Variants in SPRING1 observed in about 807,000 individuals in gnomAD.
SPRING1 encodes the protein SREBP regulating gene protein.
SPRING1 carries 14 observed loss-of-function variants against 24.7 expected under a neutral mutation model. The ratio of observed to expected loss-of-function variants is 0.57; its 90% CI spans 0.37 to 0.88. SPRING1 has a LOEUF of 0.88. SPRING1 is among the 40% of genes least tolerant of loss of function. The pLI is 0.00. For missense variants in SPRING1, 255 were observed against 268.4 expected, an observed-to-expected ratio of 0.95 and a Z score of 0.35; for synonymous variants, 93 against 106.1, an observed-to-expected ratio of 0.88 and a Z score of 0.76.
In SPRING1 at chr12:116,711,256, A is replaced by G. The variant is rs11068160; in HGVS notation, c.*6554T>C. On this transcript the variant is annotated 3_prime_UTR_variant, in exon 5 of 5. Coordinates refer to ENST00000261318, the MANE Select transcript of SPRING1 (RefSeq NM_024738.4). ...TCCTTAAGAATAGTGAGATGTGGCC[A>G]GGCGCGGTGGCTCACTCCTGTAATC... is the stretch of plus-strand genomic sequence containing the variant. 38,362 of 152,222 alleles carry G rather than the reference A, an allele frequency of 0.25. 4,984 individuals carry two copies. Among genetic ancestry groups the G allele is most frequent in the East Asian group, 0.37 (1,913 of 5,148 alleles). 9.4% of individuals were successfully genotyped at this position (152,222 alleles called of 1,614,324 possible). A position where few individuals can be genotyped will look rare whatever the true frequency, so the allele number is the denominator to read the frequency against.
chr12:116,727,750 CAAG>C (rs1180486884), intron 1 of SPRING1, among the ~76,000 whole-genome samples: 1 of 152,076 alleles, frequency 6.6e-6, no homozygotes, highest in African/African-American at 2.4e-5. Context: ...ACTATACAAA[CAAG>C]AAGGATGAAA....
rs1171099953 is a variant in SPRING1 at position 116,712,291 on chromosome 12, T to C, written c.*5519A>G. On this transcript the variant is annotated 3_prime_UTR_variant, in exon 5 of 5. Coordinates refer to ENST00000261318, the MANE Select transcript of SPRING1 (RefSeq NM_024738.4). ...ACTGAGTCGTACACAGGAAGATCAC[T>C]GAGTAGGTTCTGTGGAGACGCAGTC... 6.6e-6 allele frequency: 1 copy of C among 152,242 alleles called. No individual in the cohort carries two copies. Among genetic ancestry groups the C allele is most frequent in the Non-Finnish European group, 1.5e-5 (1 of 68,044 alleles). The allele number at this position is 152,242 out of a possible 1,614,324, so 9.4% of individuals were successfully genotyped here. A position where few individuals can be genotyped will look rare whatever the true frequency, so the allele number is the denominator to read the frequency against.
intron 2 of SPRING1, among the ~76,000 whole-genome samples, chr12:116,722,027 C>T (rs564733742): frequency 6.6e-6 from 1 of 152,320 alleles, no homozygotes; most frequent in Non-Finnish European, 1.5e-5. Flanking sequence ...CAACCTCATA[C>T]TGTGTTGCTA....
At chr12:116,736,283 A>G (rs1871215828) in intron 1 of SPRING1, among the ~76,000 whole-genome samples, 1 of 152,204 alleles carries the variant, frequency 6.6e-6, no homozygotes, top group Non-Finnish European at 1.5e-5. Context: ...AGGAAGGCAG[A>G]GGACGGAGTC....
chr12:116,733,480 G>A (rs1018072566), intron 1 of SPRING1, among the ~76,000 whole-genome samples: 5 of 150,116 alleles, frequency 3.3e-5, no homozygotes, highest in East Asian at 3.9e-4. Context: ...CACTGCGCCC[G>A]GCCTCATCTT....
chr12:116,717,713 T>C lies in SPRING1; in HGVS notation c.*97A>G. 2 of 1,125,378 alleles carry C rather than the reference T, an allele frequency of 1.8e-6. No homozygotes were observed. The highest frequency in any genetic ancestry group is 1.6e-5 in the African/African-American group (1 of 63,434). The allele number at this position is 1,125,378 out of a possible 1,614,324, so 69.7% of individuals were successfully genotyped here. ...GTTTCCTCACGCTGCCTTTGTCTTCTTCCTGCAGCCTGGCCCGATGGCTGA... is the reference window on the plus strand; with the variant it reads ...GTTTCCTCACGCTGCCTTTGTCTTCCTCCTGCAGCCTGGCCCGATGGCTGA... On this transcript the variant is annotated 3_prime_UTR_variant, in exon 5 of 5. Coordinates refer to ENST00000261318, the MANE Select transcript of SPRING1 (RefSeq NM_024738.4). The surrounding 1 kb of genome is among the most constrained non-coding windows in gnomAD (Gnocchi z 4.2).
At position 116,717,394 on chromosome 12, in the gene SPRING1, G is replaced by C. The variant is rs1304818907; in HGVS notation, c.*416C>G. 1 of 156,580 alleles carries C rather than the reference G, an allele frequency of 6.4e-6. No homozygotes were observed. Among genetic ancestry groups the C allele is most frequent in the South Asian group, 2.0e-4 (1 of 4,904 alleles). The allele number at this position is 156,580 out of a possible 1,614,324, so 9.7% of individuals were successfully genotyped here. A position where few individuals can be genotyped will look rare whatever the true frequency, so the allele number is the denominator to read the frequency against. On this transcript the variant is annotated 3_prime_UTR_variant, in exon 5 of 5. Coordinates refer to ENST00000261318, the MANE Select transcript of SPRING1 (RefSeq NM_024738.4). The surrounding 1 kb of genome is among the most constrained non-coding windows in gnomAD (Gnocchi z 4.2). ...AGGCATTTTCCTACATAAAACATTA[G>C]AATGTTCCCATTACTCCAAAGGAAT...
At chr12:116,719,340 C>G (rs763768619) in intron 4 of SPRING1, among the ~76,000 whole-genome samples, 37 of 149,558 alleles carry the variant, frequency 2.5e-4, no homozygotes, top group Middle Eastern at 6.3e-3. Flanking sequence ...CCCTTGAATC[C>G]TAAAATAAAC....
chr12:116,735,387 C>G (rs1441237873), intron 1 of SPRING1, among the ~76,000 whole-genome samples: 1 of 152,066 alleles, frequency 6.6e-6, no homozygotes, highest in Admixed American at 6.6e-5. Flanking sequence ...TGGTGATGGT[C>G]GCACAGCGTT....
At position 116,720,741 on chromosome 12, in the gene SPRING1, C is replaced by T. The variant is rs369203211; in HGVS notation, c.269-294G>A. ...CTGATTTCATCATCAGGTCAAGCTACGGCTACGTTCTCCTATTCTAACCTA... is the reference window on the plus strand; with the variant it reads ...CTGATTTCATCATCAGGTCAAGCTATGGCTACGTTCTCCTATTCTAACCTA... On this transcript the variant is annotated intron_variant, in intron 2 of 4. Transcript: ENST00000261318. This position sits in a 1 kb window ranked among gnomAD's most constrained non-coding sequence, Gnocchi z 4.0. Among the ~76,000 whole-genome samples the T allele has an allele frequency of 5.4e-4, 83 of 152,298 alleles. 1 individual carries two copies. In the East Asian group the frequency reaches 0.013, roughly 23 times the overall value.
At position 116,717,501 on chromosome 12, in the gene SPRING1, C is replaced by T; in HGVS notation, c.*309G>A. ...CCCCGATGAACACAAGTCACAGGTCCCTGTGCAGGTCCCAGGGCTGAGTCA... is the reference window on the plus strand; with the variant it reads ...CCCCGATGAACACAAGTCACAGGTCTCTGTGCAGGTCCCAGGGCTGAGTCA... On this transcript the variant is annotated 3_prime_UTR_variant, in exon 5 of 5. Coordinates refer to ENST00000261318, the MANE Select transcript of SPRING1 (RefSeq NM_024738.4). The surrounding 1 kb of genome is among the most constrained non-coding windows in gnomAD (Gnocchi z 4.2). 1 of 255,800 alleles carries T rather than the reference C, an allele frequency of 3.9e-6. No homozygotes were observed. The allele number at this position is 255,800 out of a possible 1,614,324, so 15.8% of individuals were successfully genotyped here.
rs1418882146 is a variant in SPRING1, at chr12:116,716,644, A to C, written c.*1166T>G. The C allele has an allele frequency of 6.6e-6, 1 of 152,616 alleles. No homozygotes were observed. The highest frequency in any genetic ancestry group is 2.4e-5 in the African/African-American group (1 of 41,450). The allele number at this position is 152,616 out of a possible 1,614,324, so 9.5% of individuals were successfully genotyped here. On this transcript the variant is annotated 3_prime_UTR_variant, in exon 5 of 5. Transcript: ENST00000261318. ...GATTCAGGACACACCAGCAACCTAC[A>C]CGTGTAGCATTCTCTAAGTCATAAT... is the stretch of plus-strand genomic sequence containing the variant.
rs1241205945 is a variant in SPRING1, at chr12:116,713,180, A to G, written c.*4630T>C. Reference sequence around the variant, plus strand: ...ACCTGTGACAAAAATGTCTCCAGACATTGCCAAATGTTCCCTGGGGGGCAA... The same window carrying G: ...ACCTGTGACAAAAATGTCTCCAGACGTTGCCAAATGTTCCCTGGGGGGCAA... On this transcript the variant is annotated 3_prime_UTR_variant, in exon 5 of 5. Transcript: ENST00000261318. 6.6e-6 allele frequency: 1 copy of G among 152,278 alleles called. No homozygotes were observed. The highest frequency in any genetic ancestry group is 1.5e-5 in the Non-Finnish European group (1 of 68,076). 9.4% of individuals were successfully genotyped at this position (152,278 alleles called of 1,614,324 possible). A position where few individuals can be genotyped will look rare whatever the true frequency, so the allele number is the denominator to read the frequency against.
In SPRING1 at chr12:116,712,340, G is replaced by C. The variant is rs531928643; in HGVS notation, c.*5470C>G. 2 of 152,334 alleles carry C rather than the reference G, an allele frequency of 1.3e-5. No homozygotes were observed. The highest frequency in any genetic ancestry group is 4.8e-5 in the African/African-American group (2 of 41,560). 9.4% of individuals were successfully genotyped at this position (152,334 alleles called of 1,614,324 possible). On this transcript the variant is annotated 3_prime_UTR_variant, in exon 5 of 5. Coordinates refer to ENST00000261318, the MANE Select transcript of SPRING1 (RefSeq NM_024738.4). ...TCGGCCCATATGCACGTCACCACTC[G>C]GCTCCCAGCTCAGGTGCAGACCAAC...
Position 116,710,858 on chromosome 12 carries a change from T to A in SPRING1, c.*6952A>T, listed in dbSNP as rs1816095215. ...TTTTGGCTTGTTACAAAAATTGGAA[T>A]TTGGATCTGCAAGATACGCTAGCCA... is the stretch of plus-strand genomic sequence containing the variant. On this transcript the variant is annotated 3_prime_UTR_variant, in exon 5 of 5. Coordinates refer to ENST00000261318, the MANE Select transcript of SPRING1 (RefSeq NM_024738.4). 1 of 152,132 alleles carries A rather than the reference T, an allele frequency of 6.6e-6. No homozygotes were observed. The highest frequency in any genetic ancestry group is 2.4e-5 in the African/African-American group (1 of 41,432). 9.4% of individuals were successfully genotyped at this position (152,132 alleles called of 1,614,324 possible). A position where few individuals can be genotyped will look rare whatever the true frequency, so the allele number is the denominator to read the frequency against.
At chr12:116,724,240 GT>G (rs1217463701) in intron 1 of SPRING1, among the ~76,000 whole-genome samples, 3 of 152,130 alleles carry the variant, frequency 2.0e-5, no homozygotes, top group African/African-American at 7.2e-5. Flanking sequence ...TTAAAAAATG[GT>G]AAAGATCTTT....
At chr12:116,733,937 C>T (rs1871113238) in intron 1 of SPRING1, among the ~76,000 whole-genome samples, 1 of 152,138 alleles carries the variant, frequency 6.6e-6, no homozygotes, top group Non-Finnish European at 1.5e-5. Flanking sequence ...AGTGCAGTGG[C>T]GTGATCTCGG....
Position 116,728,381 on chromosome 12 carries a change from G to A in SPRING1, c.112-5158C>T, listed in dbSNP as rs1380058296. 1.3e-5 allele frequency among the ~76,000 whole-genome samples: 2 copies of A among 152,162 alleles called. No homozygotes were observed. The highest frequency in any genetic ancestry group is 6.5e-5 in the Admixed American group (1 of 15,272). ...TCTGCCATCCAGCAGAACAGTGCCT[G>A]GCACACAGTTGGTGTTATTTGTTAA... On this transcript the variant is annotated intron_variant, in intron 1 of 4. Transcript: ENST00000261318. This position sits in a 1 kb window ranked among gnomAD's most constrained non-coding sequence, Gnocchi z 4.2.
chr12:116,713,826 G>T lies in SPRING1; in HGVS notation c.*3984C>A, dbSNP rs1869978396. ...AAGAGGACAAAGTACTTTCATTTTT[G>T]CCTAGAAAATGGGGGAAGACAAAAA... is the stretch of plus-strand genomic sequence containing the variant. On this transcript the variant is annotated 3_prime_UTR_variant, in exon 5 of 5. Coordinates refer to ENST00000261318, the MANE Select transcript of SPRING1 (RefSeq NM_024738.4). 1.3e-5 allele frequency: 2 copies of T among 152,100 alleles called. No homozygotes were observed. Among genetic ancestry groups the T allele is most frequent in the Non-Finnish European group, 2.9e-5 (2 of 68,004 alleles). 9.4% of individuals were successfully genotyped at this position (152,100 alleles called of 1,614,324 possible).
Sources: allele counts gnomAD v4.1 joint callset (sites outside exome capture counted in the v4.1 genomes callset), GRCh38; gene constraint gnomAD v4.1.1; non-coding constraint Gnocchi (gnomAD v3.1); transcripts MANE v1.5; gene names NCBI Gene and HGNC (gene_info 2026-07-23, HGNC 2026-07-21).